The following LRRC23 variants were observed in gnomAD, a reference collection of about 807,000 sequenced individuals.
LRRC23 encodes leucine rich repeat containing 23.
In LRRC23, 28 loss-of-function variants were observed where a neutral mutation model predicts 37.7. That is an observed-to-expected ratio of 0.74 (90% CI 0.55 to 1.02). The LOEUF (loss-of-function observed/expected upper bound fraction) is 1.02. Among genes scored for constraint, LRRC23 ranks in the 50% least tolerant of loss-of-function variants. The pLI is 0.00. For synonymous variants in LRRC23, 161 were observed against 165.4 expected, an observed-to-expected ratio of 0.97 and a Z score of 0.20; for missense variants, 377 against 413.2, an observed-to-expected ratio of 0.91 and a Z score of 0.76.
chr12:6,906,297 C>A lies in LRRC23; in HGVS notation c.237-112C>A, dbSNP rs908527466. The A allele has an allele frequency of 3.8e-6, 4 of 1,053,666 alleles. No homozygotes were observed. The East Asian group carries it at 9.5e-5, about 25-fold the overall frequency. The allele number at this position is 1,053,666 out of a possible 1,614,324, so 65.3% of individuals were successfully genotyped here. On this transcript the variant is annotated intron_variant, in intron 3 of 7. Coordinates refer to ENST00000443597, the MANE Select transcript of LRRC23 (RefSeq NM_001135217.2). ...TCTCCCCTACCATCTGTTGCCCATT[C>A]TTCTCCCCATTATAAGCCATCTCCA...
At position 6,907,829 on chromosome 12, in the gene LRRC23, C is replaced by T. The variant is rs144613971; in HGVS notation, c.621+384C>T. On this transcript the variant is annotated intron_variant, in intron 5 of 7. Transcript: ENST00000443597. ...CGGGACCAAAGGTGTGGGGGTTTCT[C>T]CCCATACACCAAGTAGTAGACACCA... 264 of 398,214 alleles carry T rather than the reference C, an allele frequency of 6.6e-4. 2 individuals are homozygous for T. Among genetic ancestry groups the T allele is most frequent in the Non-Finnish European group, 1.1e-3 (224 of 212,782 alleles). The allele number at this position is 398,214 out of a possible 1,614,324, so 24.7% of individuals were successfully genotyped here. A position where few individuals can be genotyped will look rare whatever the true frequency, so the allele number is the denominator to read the frequency against.
chr12:6,905,712 G>C lies in LRRC23; in HGVS notation c.79G>C (p.Glu27Gln). 2 of 1,613,440 alleles carry C rather than the reference G, an allele frequency of 1.2e-6. No individual in the cohort carries two copies. The highest frequency in any genetic ancestry group is 1.1e-5 in the South Asian group (1 of 91,056). Residue 27 changes from glutamate (E) to glutamine (Q), a missense_variant, in exon 2 of 8, where the codon GAG becomes CAG. Around this residue, in one of 3 missense-constraint regions of LRRC23, gnomAD observed 106 missense variants for 105.9 expected, o/e 1.00. Transcript: ENST00000443597. Reference protein sequence around the residue: ...SEKEEDEKETEEGEDYRKEGE... With the variant: ...SEKEEDEKETQEGEDYRKEGE... ...GAAAGAAGAGGACGAGAAGGAGACA[G>C]AGGAGGGGGAGGACTACAGAAAAGA...
intron 6 of LRRC23, among the ~76,000 whole-genome samples, chr12:6,910,255 T>C (rs1243470759): frequency 6.6e-6 from 1 of 152,172 alleles, no homozygotes; most frequent in Non-Finnish European, 1.5e-5. Context: ...GAATGTGCTA[T>C]GTGCCAGGCC....
At position 6,912,956 on chromosome 12, in the gene LRRC23, G is replaced by A. The variant is rs189024387; in HGVS notation, c.985G>A (p.Glu329Lys). 3 of 1,614,122 alleles carry A rather than the reference G, an allele frequency of 1.9e-6. No homozygotes were observed. ...GAGGCTGAAGGAAGAAAAGGAGCAG[G>A]AGCCTGAGCCCCAGCGTGACCTGGA... ...RQRLKEEKEQ[E>K]PEPQRDLEPE... The change falls in exon 7 of 8, where the codon GAG becomes AAG. Residue 329 changes from glutamate to lysine, a missense_variant. Transcript: ENST00000443597.
At position 6,905,581 on chromosome 12, in the gene LRRC23, T is replaced by A; in HGVS notation, c.-49-4T>A. 1 of 1,598,864 alleles carries A rather than the reference T, an allele frequency of 6.3e-7. No homozygotes were observed. The highest frequency in any genetic ancestry group is 1.1e-5 in the South Asian group (1 of 90,012). On this transcript the variant is annotated splice_polypyrimidine_tract_variant and splice_region_variant and intron_variant, in intron 1 of 7. Transcript: ENST00000443597. ...GCAGAAGCTGATGAGACCTTCTTTTTCAGGAGGAGGACTGAGCTTATCTGA... is the reference window on the plus strand; with the variant it reads ...GCAGAAGCTGATGAGACCTTCTTTTACAGGAGGAGGACTGAGCTTATCTGA...
Position 6,905,910 on chromosome 12 carries a change from C to T in LRRC23, c.192C>T (p.Gly64=), listed in dbSNP as rs1555139476. The T allele has an allele frequency of 6.2e-7, 1 of 1,613,850 alleles. No homozygotes were observed. Among genetic ancestry groups the T allele is most frequent in the Non-Finnish European group, 8.5e-7 (1 of 1,179,992 alleles). Residue 64 remains glycine, a synonymous_variant, in exon 3 of 8, where the codon GGC becomes GGT. Transcript: ENST00000443597. ...GGCTTTCTCTGCTCTGTAAGACAGG[C>T]AATGGGCTGGCTCATGCTTATGTCA... ...KEGLSLLCKT[G]NGLAHAYVKL...
In LRRC23 at chr12:6,904,963, T is replaced by C. The variant is rs1555139254; in HGVS notation, c.-162T>C. On this transcript the variant is annotated 5_prime_UTR_variant, in exon 1 of 8. Transcript: ENST00000443597. ...GCAGTTGCCAAGTGCCCCGTCCCCG[T>C]TGCCATAACAGCAGTACACAACCCC... is the stretch of plus-strand genomic sequence containing the variant. 6.6e-6 allele frequency: 1 copy of C among 152,400 alleles called. No individual in the cohort carries two copies. Among genetic ancestry groups the C allele is most frequent in the Admixed American group, 6.5e-5 (1 of 15,286 alleles). 9.4% of individuals were successfully genotyped at this position (152,400 alleles called of 1,614,324 possible).
Position 6,912,872 on chromosome 12 carries a change from C to G in LRRC23, c.901C>G (p.Arg301Gly), listed in dbSNP as rs782789545. Residue 301 changes from arginine to glycine, a missense_variant, in exon 7 of 8, where the codon CGC becomes GGC. Physicochemically the swap from Arg to Gly is moderately radical, Grantham distance 125 (BLOSUM62 -2). Transcript: ENST00000443597. ...EALVQMPYLE[R>G]LDKEFYEEEE... The stretch of plus-strand genomic sequence containing the variant: ...CCTGGTGCAGATGCCATACCTTGAA[C>G]GCCTGGACAAGGAATTCTATGAGGA... 6.2e-7 allele frequency: 1 copy of G among 1,614,024 alleles called. No homozygotes were observed. The highest frequency in any genetic ancestry group is 1.7e-5 in the Admixed American group (1 of 60,000).
intron 5 of LRRC23, chr12:6,907,726 T>C: frequency 1.7e-6 from 1 of 587,632 alleles, no homozygotes. Flanking sequence ...GGAAATGTTT[T>C]AGGAAAACCC....
chr12:6,907,251 A>G, intron 4 of LRRC23, 64 bp from the exon 5 acceptor site: 1 of 1,593,716 alleles, frequency 6.3e-7, no homozygotes, highest in Non-Finnish European at 8.6e-7. Context: ...AGGCTCCCCA[A>G]ATTCAGGCTC....
In LRRC23 at chr12:6,906,574, C is replaced by G; in HGVS notation, c.402C>G (p.Pro134=). ...RLRSAQMNEL[P]YLQIASFAYN... ...GAAGTGCCCAGATGAATGAACTGCC[C>G]TACCTGCAGATTGCTAGTTTTGCTT... The change falls in exon 4 of 8, where the codon CCC becomes CCG. Residue 134 remains proline, a synonymous_variant. Transcript: ENST00000443597. The G allele has an allele frequency of 6.2e-7, 1 of 1,614,230 alleles. No individual in the cohort carries two copies. Among genetic ancestry groups the G allele is most frequent in the South Asian group, 1.1e-5 (1 of 91,082 alleles).
Position 6,905,778 on chromosome 12 carries a change from A to C in LRRC23, c.126+19A>C, listed in dbSNP as rs1555139394. 1.3e-6 allele frequency: 2 copies of C among 1,597,554 alleles called. No homozygotes were observed. Among genetic ancestry groups the C allele is most frequent in the South Asian group, 1.1e-5 (1 of 90,906 alleles). ...TGAGGAAGTGAGAGCCTGGACAAGG[A>C]GGGGTCCTAGGGCTGAAGGAGGGGG... On this transcript the variant is annotated intron_variant, in intron 2 of 7. Transcript: ENST00000443597.
At position 6,906,557 on chromosome 12, in the gene LRRC23, C is replaced by T; in HGVS notation, c.385C>T (p.Gln129Ter). Residue 129 changes from glutamine to a stop codon, truncating the protein, a stop_gained, in exon 4 of 8, where the codon CAG becomes TAG. Transcript: ENST00000443597. LOFTEE classifies it high-confidence loss of function. The part of the protein sequence containing the change: ...KADGNRLRSA[Q>*]MNELPYLQIA... ...TGATGGCAATCGGCTGCGAAGTGCC[C>T]AGATGAATGAACTGCCCTACCTGCA... The T allele has an allele frequency of 6.2e-7, 1 of 1,614,224 alleles. No individual in the cohort carries two copies. Among genetic ancestry groups the T allele is most frequent in the Non-Finnish European group, 8.5e-7 (1 of 1,180,046 alleles).
chr12:6,913,582 T>TTTTTTTTG (rs1555141126), intron 7 of LRRC23, among the ~76,000 whole-genome samples: 2 of 141,184 alleles, frequency 1.4e-5, no homozygotes, highest in East Asian at 2.2e-4. Context: ...TTTTTTTTTT[T>TTTTTTTTG]TGCGAGGTAG....
intron 6 of LRRC23, among the ~76,000 whole-genome samples, chr12:6,912,122 A>C (rs1457933816): frequency 6.6e-6 from 1 of 152,164 alleles, no homozygotes; most frequent in Non-Finnish European, 1.5e-5. Context: ...TGTGGAGAGC[A>C]CGAACCGAGC....
intron 5 of LRRC23, chr12:6,907,670 G>T (rs782070900): frequency 3.3e-6 from 2 of 609,754 alleles, no homozygotes; most frequent in South Asian, 3.9e-5. Flanking sequence ...CCTTGATACA[G>T]GTAGTAGCAA....
In LRRC23 at chr12:6,906,526, C is replaced by T; in HGVS notation, c.354C>T (p.Leu118=). 6.2e-7 allele frequency: 1 copy of T among 1,614,208 alleles called. No homozygotes were observed. Among genetic ancestry groups the T allele is most frequent in the African/African-American group, 1.3e-5 (1 of 75,048 alleles). The change falls in exon 4 of 8, where the codon CTC becomes CTT. Residue 118 remains leucine (L), a synonymous_variant. Coordinates refer to ENST00000443597, the MANE Select transcript of LRRC23 (RefSeq NM_001135217.2). The part of the protein sequence containing the change: ...PLNYLTHLLW[L]KADGNRLRSA... Reference sequence around the variant, plus strand: ...ACTACCTCACCCACCTGCTCTGGCTCAAGGCTGATGGCAATCGGCTGCGAA... The same window carrying T: ...ACTACCTCACCCACCTGCTCTGGCTTAAGGCTGATGGCAATCGGCTGCGAA...
At chr12:6,906,854 A>G in intron 4 of LRRC23, 192 bp downstream of exon 4, 1 of 627,002 alleles carries the variant, frequency 1.6e-6, no homozygotes, top group Non-Finnish European at 2.8e-6. Context: ...GAACGTCCCT[A>G]TTCTCATATA....
Position 6,914,125 on chromosome 12 carries a change from T to C in LRRC23, c.*259T>C. ...GGGGCCGCCCTCGGGCAGGCGTGGG[T>C]GAGAGCCAAGACCGCGTGGGCCGCG... is the stretch of plus-strand genomic sequence containing the variant. On this transcript the variant is annotated 3_prime_UTR_variant, in exon 8 of 8. Coordinates refer to ENST00000443597, the MANE Select transcript of LRRC23 (RefSeq NM_001135217.2). This position sits in a 1 kb window ranked among gnomAD's most constrained non-coding sequence, Gnocchi z 7.1. 2 of 1,497,198 alleles carry C rather than the reference T, an allele frequency of 1.3e-6. No individual in the cohort carries two copies. The highest frequency in any genetic ancestry group is 1.8e-6 in the Non-Finnish European group (2 of 1,123,950). The allele number at this position is 1,497,198 out of a possible 1,614,324, so 92.7% of individuals were successfully genotyped here. A position where few individuals can be genotyped will look rare whatever the true frequency, so the allele number is the denominator to read the frequency against.
Sources: gnomAD v4.1 joint callset for allele counts (sites outside exome capture counted in the v4.1 genomes callset) on GRCh38, gnomAD v4.1.1 for gene constraint, gnomAD v4.1.1 regional missense constraint, Gnocchi (gnomAD v3.1) non-coding constraint, MANE v1.5 for transcripts, NCBI Gene and HGNC (gene_info 2026-07-23, HGNC 2026-07-21) for gene names.